Variants in MAMDC2 observed in about 807,000 individuals in gnomAD.
MAMDC2 encodes the protein MAM domain-containing protein 2.
Under a neutral mutation model 89.8 loss-of-function variants are expected in MAMDC2, and 57 were observed. The observed-to-expected ratio is 0.63, with a 90% CI of 0.51 to 0.79. MAMDC2 has a LOEUF of 0.79. Ranked by LOEUF, MAMDC2 falls within the 30% of genes least tolerant of loss-of-function variation. The pLI is 0.00. For missense variants in MAMDC2, 800 were observed against 820.6 expected, an observed-to-expected ratio of 0.97 and a Z score of 0.31; for synonymous variants, 313 against 293.4, an observed-to-expected ratio of 1.07 and a Z score of -0.68.
chr9:70,223,217 C>T (rs1422191203), intron 12 of MAMDC2, among the ~76,000 whole-genome samples: 1 of 150,810 alleles, frequency 6.6e-6, no homozygotes, highest in African/African-American at 2.4e-5. Flanking sequence ...TTCTTGGTGC[C>T]GCAATACCAG....
At chr9:70,180,864 C>G (rs932559006) in intron 11 of MAMDC2, among the ~76,000 whole-genome samples, 7 of 152,188 alleles carry the variant, frequency 4.6e-5, no homozygotes, top group African/African-American at 1.7e-4. Context: ...TTAATCAGAT[C>G]ACATTTGTCA....
At chr9:70,200,191 C>T (rs918852464) in intron 11 of MAMDC2, among the ~76,000 whole-genome samples, 7 of 151,954 alleles carry the variant, frequency 4.6e-5, no homozygotes, top group Non-Finnish European at 7.4e-5. Context: ...TTAGGTCTAA[C>T]GTTTAAATCT....
chr9:70,123,993 A>C (rs1406125838), intron 5 of MAMDC2, among the ~76,000 whole-genome samples: 1 of 152,198 alleles, frequency 6.6e-6, no homozygotes, highest in Non-Finnish European at 1.5e-5. Flanking sequence ...CAGCAGCCCT[A>C]GCAAACCACA....
chr9:70,203,068 ATTG>A (rs1254212223), intron 11 of MAMDC2, among the ~76,000 whole-genome samples: 2 of 151,996 alleles, frequency 1.3e-5, no homozygotes, highest in African/African-American at 2.4e-5. Flanking sequence ...TAAAGTTAAT[ATTG>A]TTATGTGTGA....
chr9:70,187,296 T>C (rs1393650464), intron 11 of MAMDC2, among the ~76,000 whole-genome samples: 1 of 152,096 alleles, frequency 6.6e-6, no homozygotes, highest in African/African-American at 2.4e-5. Context: ...TTGTTCTCAG[T>C]TCTTTAGTTT....
chr9:70,161,940 C>T (rs891879920), intron 9 of MAMDC2, among the ~76,000 whole-genome samples: 6 of 152,110 alleles, frequency 3.9e-5, no homozygotes, highest in East Asian at 3.8e-4. Flanking sequence ...AAAATCAAAC[C>T]GTCTGGGAAA....
At chr9:70,168,354 T>C (rs2032231790) in intron 9 of MAMDC2, among the ~76,000 whole-genome samples, 1 of 152,064 alleles carries the variant, frequency 6.6e-6, no homozygotes, top group Non-Finnish European at 1.5e-5. Flanking sequence ...TATCTGGGCA[T>C]GGTGACGGGT....
intron 9 of MAMDC2, among the ~76,000 whole-genome samples, chr9:70,166,775 G>A (rs1377035097): frequency 3.3e-5 from 5 of 152,016 alleles, no homozygotes; most frequent in African/African-American, 4.8e-5. Flanking sequence ...GTTTTATGTA[G>A]GTAATGATTT....
intron 2 of MAMDC2, chr9:70,082,714 C>T (rs1827681021): frequency 6.6e-6 from 1 of 152,102 alleles, no homozygotes; most frequent in South Asian, 2.1e-4. Context: ...AAGCCTGCTA[C>T]AAGTGACTAG....
At chr9:70,223,894 GA>G (rs1244714167) in intron 12 of MAMDC2, among the ~76,000 whole-genome samples, 2 of 152,106 alleles carry the variant, frequency 1.3e-5, no homozygotes, top group Non-Finnish European at 2.9e-5. Context: ...ATACAAGGGG[GA>G]AATCATAGTA....
chr9:70,112,429 CA>C (rs1828535026), intron 4 of MAMDC2, among the ~76,000 whole-genome samples: 2 of 152,080 alleles, frequency 1.3e-5, no homozygotes. Flanking sequence ...ATAAGAAAAA[CA>C]GGGAATTTTA....
intron 11 of MAMDC2, among the ~76,000 whole-genome samples, chr9:70,208,391 G>T (rs934622328): frequency 5.3e-5 from 8 of 152,138 alleles, no homozygotes; most frequent in African/African-American, 1.9e-4. Flanking sequence ...TCTCTTTGAA[G>T]CAATTGTGAA....
chr9:70,170,743 A>G, intron 11 of MAMDC2, 112 bp downstream of exon 11: 3 of 972,204 alleles, frequency 3.1e-6, no homozygotes, highest in Non-Finnish European at 4.4e-6. Context: ...TCTATAATGA[A>G]ATGCACTTGT....
chr9:70,175,519 C>CTTG (rs58628316), intron 11 of MAMDC2, among the ~76,000 whole-genome samples: 139,440 of 152,052 alleles, frequency 0.92, 64,075 homozygotes, highest in East Asian at 0.98. Context: ...TTTATTATTC[C>CTTG]TTGTTAATCT....
Position 70,171,031 on chromosome 9 carries a change from A to C in MAMDC2, c.1651+400A>C, listed in dbSNP as rs558381012. ...TTGACTCCAAGCTTTCAGTAGCCAA[A>C]ACGCACCTGTAAAACATGATTCACA... On this transcript the variant is annotated intron_variant, in intron 11 of 13. Transcript: ENST00000377182. 3 of 177,276 alleles carry C rather than the reference A, an allele frequency of 1.7e-5. No homozygotes were observed. The South Asian group carries it at 5.9e-4, about 35-fold the overall frequency. The allele number at this position is 177,276 out of a possible 1,614,324, so 11.0% of individuals were successfully genotyped here. A position where few individuals can be genotyped will look rare whatever the true frequency, so the allele number is the denominator to read the frequency against.
chr9:70,156,816 CTT>C (rs1299456423), intron 9 of MAMDC2, among the ~76,000 whole-genome samples: 15 of 152,174 alleles, frequency 9.9e-5, no homozygotes, highest in Admixed American at 9.8e-4. Flanking sequence ...CTGAGATACT[CTT>C]GTTTTCCTTC....
At chr9:70,184,044 C>T (rs895328802) in intron 11 of MAMDC2, among the ~76,000 whole-genome samples, 1 of 152,126 alleles carries the variant, frequency 6.6e-6, no homozygotes, top group Admixed American at 6.5e-5. Flanking sequence ...ATATTTAGTG[C>T]TTCCTTCAGG....
chr9:70,208,139 T>C (rs1293412590), intron 11 of MAMDC2, among the ~76,000 whole-genome samples: 4 of 152,204 alleles, frequency 2.6e-5, no homozygotes, highest in Non-Finnish European at 4.4e-5. Flanking sequence ...CCACATGAAC[T>C]TTAAAGTAGT....
chr9:70,129,922 T>G (rs1054894972), intron 6 of MAMDC2, among the ~76,000 whole-genome samples: 7 of 152,128 alleles, frequency 4.6e-5, no homozygotes, highest in African/African-American at 1.7e-4. Flanking sequence ...ATCTGCCCTA[T>G]GCCTCTCTCC....
Sources: gnomAD v4.1 joint callset for allele counts (sites outside exome capture counted in the v4.1 genomes callset) on GRCh38, gnomAD v4.1.1 for gene constraint, MANE v1.5 for transcripts, NCBI Gene and HGNC (gene_info 2026-07-23, HGNC 2026-07-21) for gene names.